Variants in NPAS3 observed in about 807,000 individuals in gnomAD.
NPAS3 encodes the protein neuronal PAS domain protein 3, also known as neuronal PAS domain-containing protein 3.
Under a neutral mutation model 73.1 loss-of-function variants are expected in NPAS3, and 14 were observed. The observed-to-expected ratio is 0.19, with a 90% CI of 0.13 to 0.30. NPAS3 has a LOEUF of 0.30. Ranked by LOEUF, NPAS3 falls within the 10% of genes least tolerant of loss-of-function variation. NPAS3 has a pLI of 1.00. For synonymous variants in NPAS3, 620 were observed against 541.5 expected (o/e 1.14, Z -2.01); for missense variants, 1,096 against 1,250.0 (o/e 0.88, Z 1.86).
intron 5 of NPAS3, among the ~76,000 whole-genome samples, chr14:33,600,850 G>C (rs1318449402): frequency 1.3e-5 from 2 of 152,170 alleles, no homozygotes; most frequent in African/African-American, 4.8e-5. Context: ...AAACAGCATA[G>C]GAAAAGAGCA....
At chr14:32,971,377 G>T (rs1318941232) in intron 1 of NPAS3, among the ~76,000 whole-genome samples, 1 of 152,052 alleles carries the variant, frequency 6.6e-6, no homozygotes, top group African/African-American at 2.4e-5. Flanking sequence ...GAGCCACCAC[G>T]CCTGGCCTGT....
chr14:33,608,871 A>G (rs184201233), intron 5 of NPAS3, among the ~76,000 whole-genome samples: 1 of 152,284 alleles, frequency 6.6e-6, no homozygotes, highest in East Asian at 1.9e-4. Flanking sequence ...TGCATGCTAT[A>G]TTCAAGTCAT....
At chr14:33,702,694 A>T (rs2060554166) in intron 6 of NPAS3, among the ~76,000 whole-genome samples, 1 of 152,066 alleles carries the variant, frequency 6.6e-6, no homozygotes, top group South Asian at 2.1e-4. Flanking sequence ...CTAGATATGT[A>T]TGTGGAACCT....
intron 1 of NPAS3, among the ~76,000 whole-genome samples, chr14:33,017,506 C>G (rs531128176): frequency 6.6e-6 from 1 of 152,012 alleles, no homozygotes; most frequent in Admixed American, 6.6e-5. Context: ...ATAAATTAAT[C>G]GAATAGAAGT....
chr14:33,082,279 G>A (rs2041884015), intron 2 of NPAS3, among the ~76,000 whole-genome samples: 1 of 152,144 alleles, frequency 6.6e-6, no homozygotes, highest in Admixed American at 6.5e-5. Context: ...AAGAAAGGGA[G>A]ACCTAGCAGC....
chr14:33,544,825 A>ATATATATATATTATATATATATAAT lies in NPAS3; in HGVS notation c.469-15293_469-15292insATATATATTATATATATATAATTAT. Among the ~76,000 whole-genome samples, 4 of 112,188 alleles carry ATATATATATATTATATATATATAAT rather than the reference A, an allele frequency of 3.6e-5. 1 individual carries two copies. Among genetic ancestry groups the ATATATATATATTATATATATATAAT allele is most frequent in the African/African-American group, 1.2e-4 (3 of 24,510 alleles). The allele number at this position is 112,188 out of a possible 152,430, so 73.6% of individuals were successfully genotyped here. On this transcript the variant is annotated intron_variant, in intron 4 of 11. Coordinates refer to ENST00000356141, the Ensembl canonical transcript of NPAS3. ...ATATATATATATGTATATATAATAT[A>ATATATATATATTATATATATATAAT]TATGTGTATATATATATTATATATA...
At chr14:33,606,304 G>A (rs9806083) in intron 5 of NPAS3, among the ~76,000 whole-genome samples, 34,500 of 142,110 alleles carry the variant, frequency 0.24, 5,403 homozygotes, top group African/African-American at 0.46. Context: ...ATTCCCACCT[G>A]TGAGTGAGAA....
chr14:33,470,689 T>G (rs189932836), intron 4 of NPAS3, among the ~76,000 whole-genome samples: 1 of 152,290 alleles, frequency 6.6e-6, no homozygotes, highest in East Asian at 1.9e-4. Context: ...ATACCAGATG[T>G]TAACATTCTA....
intron 4 of NPAS3, among the ~76,000 whole-genome samples, chr14:33,555,496 A>G (rs2055313158): frequency 6.6e-6 from 1 of 152,194 alleles, no homozygotes; most frequent in African/African-American, 2.4e-5. Flanking sequence ...ATAGTATATA[A>G]TAGCTTTCTT....
chr14:33,135,172 G>A (rs1251157644), intron 2 of NPAS3, among the ~76,000 whole-genome samples: 1 of 152,124 alleles, frequency 6.6e-6, no homozygotes, highest in African/African-American at 2.4e-5. Context: ...TTACTCAGTT[G>A]GCTGTATGCC....
chr14:33,414,785 G>A (rs1028881279), intron 4 of NPAS3, among the ~76,000 whole-genome samples: 2 of 152,092 alleles, frequency 1.3e-5, no homozygotes, highest in African/African-American at 4.8e-5. Context: ...TGGTGGGTAG[G>A]GTGGTTTGAT....
intron 3 of NPAS3, among the ~76,000 whole-genome samples, chr14:33,222,649 G>A (rs2047476155): frequency 6.6e-6 from 1 of 152,180 alleles, no homozygotes; most frequent in Non-Finnish European, 1.5e-5. Flanking sequence ...AATAGCCTGG[G>A]TCATCTTATT....
At chr14:33,028,558 A>G (rs2138324619) in intron 1 of NPAS3, among the ~76,000 whole-genome samples, 1 of 152,332 alleles carries the variant, frequency 6.6e-6, no homozygotes, top group African/African-American at 2.4e-5. Flanking sequence ...ATTTTGGGAT[A>G]TATTTGGACT....
intron 1 of NPAS3, among the ~76,000 whole-genome samples, chr14:33,048,540 C>T (rs1423813164): frequency 6.6e-6 from 1 of 152,200 alleles, no homozygotes; most frequent in Non-Finnish European, 1.5e-5. Flanking sequence ...GGACTCCCAC[C>T]AATCCCCATT....
chr14:33,511,615 A>C (rs1793352566), intron 4 of NPAS3, among the ~76,000 whole-genome samples: 2 of 152,088 alleles, frequency 1.3e-5, no homozygotes, highest in Non-Finnish European at 2.9e-5. Flanking sequence ...AATTAAAAGA[A>C]TGTGATAGAT....
intron 5 of NPAS3, among the ~76,000 whole-genome samples, chr14:33,613,659 T>C (rs758950613): frequency 3.9e-5 from 6 of 152,164 alleles, no homozygotes; most frequent in Non-Finnish European, 8.8e-5. Flanking sequence ...TTCTCCCTTT[T>C]AGCCATCAGG....
intron 1 of NPAS3, among the ~76,000 whole-genome samples, chr14:32,990,287 A>G (rs774413266): frequency 6.6e-6 from 1 of 152,222 alleles, no homozygotes; most frequent in Non-Finnish European, 1.5e-5. Context: ...TTAGCCTTCA[A>G]TTCATTACAT....
chr14:33,651,181 G>A (rs192238061), intron 5 of NPAS3, among the ~76,000 whole-genome samples: 12 of 152,188 alleles, frequency 7.9e-5, no homozygotes, highest in Admixed American at 6.5e-4. Context: ...AGCCTTTTTC[G>A]CGCCATGCAG....
chr14:33,794,071 C>T, intron 10 of NPAS3, 27 bp downstream of exon 10: 1 of 1,591,374 alleles, frequency 6.3e-7, no homozygotes, highest in Non-Finnish European at 8.6e-7. Flanking sequence ...TTTTCTATTT[C>T]TGTCCTGGTT....
Sources: allele counts gnomAD v4.1 joint callset (sites outside exome capture counted in the v4.1 genomes callset), GRCh38; gene constraint gnomAD v4.1.1; transcripts MANE v1.5; gene names NCBI Gene and HGNC (gene_info 2026-07-23, HGNC 2026-07-21).